SLC25A13: variants seen among roughly 807,000 people sequenced by gnomAD.
SLC25A13 encodes the protein solute carrier family 25 member 13.
Under a neutral mutation model 85.5 loss-of-function variants are expected in SLC25A13, and 70 were observed. The ratio of observed to expected loss-of-function variants is 0.82; its 90% confidence interval spans 0.68 to 1.00. The LOEUF (loss-of-function observed/expected upper bound fraction) is 1.00, where lower values mean the gene tolerates loss of function less well. Among genes scored for constraint, SLC25A13 ranks in the 50% least tolerant of loss-of-function variants. The pLI is 0.00. For synonymous variants in SLC25A13, 259 were observed against 288.7 expected, an observed-to-expected ratio of 0.90 and a Z score of 1.04; for missense variants, 765 against 819.8, an observed-to-expected ratio of 0.93 and a Z score of 0.82.
At chr7:96,219,881 G>GT (rs1324115956) in intron 4 of SLC25A13, 2 of 394,846 alleles carry the variant, frequency 5.1e-6, no homozygotes, top group Admixed American at 2.7e-5. Context: ...GATATTTAGC[G>GT]TAAGATATTA....
chr7:96,300,468 G>C (rs908584831), intron 1 of SLC25A13, among the ~76,000 whole-genome samples: 1 of 152,052 alleles, frequency 6.6e-6, no homozygotes, highest in East Asian at 1.9e-4. Context: ...CTCAATAAAT[G>C]GTATCTATTA....
At chr7:96,207,857 T>C (rs989259298) in intron 5 of SLC25A13, among the ~76,000 whole-genome samples, 5 of 151,960 alleles carry the variant, frequency 3.3e-5, no homozygotes, top group Admixed American at 1.3e-4. Flanking sequence ...ACCCCAGAAA[T>C]GTAGACAACT....
Position 96,209,643 on chromosome 7 carries a change from C to G in SLC25A13, c.329-666G>C, listed in dbSNP as rs1795614839. Among the ~76,000 whole-genome samples the G allele has an allele frequency of 2.6e-5, 4 of 152,094 alleles. 1 individual carries two copies. In the South Asian group the frequency reaches 8.3e-4, roughly 32 times the overall value. On this transcript the variant is annotated intron_variant, in intron 4 of 17. Coordinates refer to ENST00000265631, the MANE Select transcript of SLC25A13 (RefSeq NM_014251.3). ...AGTTCTCAAATTGTTCAAATAATCC[C>G]ATTTAAGATGGGCCACTGAATGTGC...
chr7:96,318,035 T>C (rs1288262950), intron 1 of SLC25A13, among the ~76,000 whole-genome samples: 1 of 152,136 alleles, frequency 6.6e-6, no homozygotes, highest in Non-Finnish European at 1.5e-5. Flanking sequence ...TACACATAAA[T>C]GAATCAATGA....
chr7:96,315,659 ATTTGT>A (rs1800101533), intron 1 of SLC25A13, among the ~76,000 whole-genome samples: 1 of 152,172 alleles, frequency 6.6e-6, no homozygotes, highest in African/African-American at 2.4e-5. Context: ...AGCCATAGAT[ATTTGT>A]TTTAATAATC....
intron 4 of SLC25A13, among the ~76,000 whole-genome samples, chr7:96,212,760 C>T (rs117813824): frequency 0.01 from 1,526 of 152,186 alleles, 14 homozygotes; most frequent in Non-Finnish European, 0.016. Flanking sequence ...TTAAAGCCCC[C>T]GGGGCATGAT....
intron 13 of SLC25A13, among the ~76,000 whole-genome samples, chr7:96,147,761 T>C (rs940664466): frequency 3.9e-5 from 6 of 152,218 alleles, no homozygotes; most frequent in African/African-American, 1.4e-4. Flanking sequence ...TGCATGGAGA[T>C]ACTATGCAGT....
intron 4 of SLC25A13, among the ~76,000 whole-genome samples, chr7:96,233,736 T>TGATTCTG (rs1342517892): frequency 6.6e-6 from 1 of 152,250 alleles, no homozygotes; most frequent in Non-Finnish European, 1.5e-5. Flanking sequence ...TAAGCTTATC[T>TGATTCTG]GATTCTGGAA....
chr7:96,247,958 G>GAA (rs79369705), intron 3 of SLC25A13, among the ~76,000 whole-genome samples: 9 of 122,534 alleles, frequency 7.3e-5, no homozygotes, highest in Admixed American at 2.5e-4. Flanking sequence ...TAGCAGCTGG[G>GAA]AAAAAAAAAA....
intron 2 of SLC25A13, among the ~76,000 whole-genome samples, chr7:96,296,223 C>T (rs182326089): frequency 6.6e-6 from 1 of 151,884 alleles, no homozygotes; most frequent in Non-Finnish European, 1.5e-5. Context: ...ACAGTATAGT[C>T]CCATGGATGA....
chr7:96,159,030 T>C (rs1226056741), intron 13 of SLC25A13, among the ~76,000 whole-genome samples: 5 of 152,210 alleles, frequency 3.3e-5, no homozygotes, highest in East Asian at 1.9e-4. Context: ...CATTGCCAAA[T>C]TGCAGTCAAG....
chr7:96,220,296 C>T (rs1209377603), intron 4 of SLC25A13, among the ~76,000 whole-genome samples: 4 of 152,320 alleles, frequency 2.6e-5, no homozygotes, highest in African/African-American at 9.6e-5. Flanking sequence ...CATTAACATA[C>T]ATTTAACCCT....
At chr7:96,306,394 T>C (rs1010531323) in intron 1 of SLC25A13, among the ~76,000 whole-genome samples, 5 of 152,220 alleles carry the variant, frequency 3.3e-5, no homozygotes, top group African/African-American at 4.8e-5. Flanking sequence ...CTCCTTGCTG[T>C]TCCCGGTTCT....
At chr7:96,284,679 T>G (rs1358340314) in intron 2 of SLC25A13, among the ~76,000 whole-genome samples, 1 of 152,166 alleles carries the variant, frequency 6.6e-6, no homozygotes, top group East Asian at 1.9e-4. Context: ...GAATCATGGG[T>G]GCGGTCTCCC....
intron 1 of SLC25A13, among the ~76,000 whole-genome samples, chr7:96,305,657 G>A (rs1007183464): frequency 4.6e-5 from 7 of 152,162 alleles, no homozygotes; most frequent in Non-Finnish European, 5.9e-5. Flanking sequence ...AGTATATGAC[G>A]TATTTATAAA....
chr7:96,209,037 T>A (rs1418702268), intron 4 of SLC25A13, 60 bp from the exon 5 acceptor site: 6 of 1,552,226 alleles, frequency 3.9e-6, no homozygotes, highest in Admixed American at 1.7e-5. Flanking sequence ...TCTGATAAAA[T>A]CTGTTATTGA....
chr7:96,291,984 C>A (rs577632888), intron 2 of SLC25A13, among the ~76,000 whole-genome samples: 113 of 152,058 alleles, frequency 7.4e-4, no homozygotes, highest in African/African-American at 2.4e-3. Context: ...AAAAAAAGAG[C>A]ATTTTAGACC....
chr7:96,206,417 G>C (rs999419612), intron 5 of SLC25A13, among the ~76,000 whole-genome samples: 5 of 152,218 alleles, frequency 3.3e-5, no homozygotes, highest in African/African-American at 1.2e-4. Flanking sequence ...ATCTGAAGTA[G>C]AGGTCTGAAG....
rs761550839 is a variant in SLC25A13, at chr7:96,184,298, C to G, written c.1156G>C (p.Gly386Arg). 5 of 1,614,136 alleles carry G rather than the reference C, an allele frequency of 3.1e-6. No homozygotes were observed. Among genetic ancestry groups the G allele is most frequent in the African/African-American group, 2.7e-5 (2 of 75,042 alleles). The change falls in exon 11 of 18, where the codon GGC (glycine) becomes CGC (arginine). Residue 386 changes from glycine (G) to arginine (R), a missense_variant. Coordinates refer to ENST00000265631, the MANE Select transcript of SLC25A13 (RefSeq NM_014251.3). ...DCFKKVLRYE[G>R]FFGLYRGLLP... is the part of the protein sequence containing the mutation. Reference sequence around the variant, plus strand: ...TAACCTCTATACAGTCCAAAGAAGCCTTCATAGCGTAGCACTTTCTTAAAA... The same window carrying G: ...TAACCTCTATACAGTCCAAAGAAGCGTTCATAGCGTAGCACTTTCTTAAAA...
Sources: gnomAD v4.1 joint callset for allele counts (sites outside exome capture counted in the v4.1 genomes callset) on GRCh38, gnomAD v4.1.1 for gene constraint, MANE v1.5 for transcripts, NCBI Gene and HGNC (gene_info 2026-07-23, HGNC 2026-07-21) for gene names.